ARPP21: variants seen among roughly 807,000 people sequenced by gnomAD.
The protein encoded by ARPP21 is cAMP regulated phosphoprotein 21, also known as cAMP-regulated phosphoprotein 21.
Under a neutral mutation model 113.2 loss-of-function variants are expected in ARPP21, and 69 were observed. That is an observed-to-expected ratio of 0.61 (90% CI 0.50 to 0.74). The LOEUF (loss-of-function observed/expected upper bound fraction) is 0.74. ARPP21 is among the 30% of genes least tolerant of loss of function. The pLI is 0.00. For missense variants in ARPP21, 1,070 were observed against 1,037.4 expected (o/e 1.03, Z -0.43); for synonymous variants, 368 against 375.5 (o/e 0.98, Z 0.23).
intron 1 of ARPP21, chr3:35,642,409 G>T (rs949647433): frequency 1.3e-5 from 2 of 152,160 alleles, no homozygotes; most frequent in Non-Finnish European, 2.9e-5. Context: ...ATTTGGAAAG[G>T]TAAAGGCTGA....
chr3:35,682,634 A>G (rs1157505932), intron 3 of ARPP21: 1 of 462,462 alleles, frequency 2.2e-6, no homozygotes. Context: ...TAAACAGAAA[A>G]GAGCTAAAAG....
At chr3:35,677,274 A>G (rs941173698) in intron 1 of ARPP21, among the ~76,000 whole-genome samples, 2 of 145,950 alleles carry the variant, frequency 1.4e-5, no homozygotes, top group African/African-American at 5.4e-5. Context: ...TATGTGTAAT[A>G]CACACACACA....
intron 4 of ARPP21, 118 bp downstream of exon 4, chr3:35,683,007 T>C (rs2079428709): frequency 1.0e-6 from 1 of 992,362 alleles, no homozygotes; most frequent in African/African-American, 1.7e-5. Flanking sequence ...TTGTGGGGCA[T>C]CTCGGCTGTA....
chr3:35,736,524 C>G (rs1222937737), intron 15 of ARPP21, among the ~76,000 whole-genome samples: 1 of 152,120 alleles, frequency 6.6e-6, no homozygotes, highest in South Asian at 2.1e-4. Context: ...GTAAACCATG[C>G]CATTATTTCA....
In ARPP21 at chr3:35,762,096, CCTCTCT is replaced by C. The variant is rs373149403; in HGVS notation, c.2137+18157_2137+18162del. Among the ~76,000 whole-genome samples, 594 of 136,142 alleles carry C rather than the reference CCTCTCT, an allele frequency of 4.4e-3. 3 individuals carry two copies. The highest frequency in any genetic ancestry group is 0.018 in the Middle Eastern group (5 of 274). 89.3% of individuals were successfully genotyped at this position (136,142 alleles called of 152,430 possible). A position where few individuals can be genotyped will look rare whatever the true frequency, so the allele number is the denominator to read the frequency against. On this transcript the variant is annotated intron_variant, in intron 19 of 20. Coordinates refer to ENST00000684406, the MANE Select transcript of ARPP21 (RefSeq NM_001385562.1). ...TAATAACTACACAGACTCTCTCTCT[CCTCTCT>C]CTCTCTCTCTCTCTCTCTCTCTCTC...
At chr3:35,760,547 A>T (rs1444973744) in intron 19 of ARPP21, among the ~76,000 whole-genome samples, 1 of 152,042 alleles carries the variant, frequency 6.6e-6, no homozygotes, top group Admixed American at 6.6e-5. Context: ...AGGTAAAAAA[A>T]AAAAATCCGC....
At chr3:35,656,740 G>T (rs1304283717) in intron 1 of ARPP21, among the ~76,000 whole-genome samples, 2 of 151,846 alleles carry the variant, frequency 1.3e-5, no homozygotes, top group Non-Finnish European at 2.9e-5. Context: ...AGTGATGGTG[G>T]TTATATAAAT....
intron 11 of ARPP21, among the ~76,000 whole-genome samples, chr3:35,710,906 C>T (rs1373845681): frequency 6.6e-6 from 1 of 152,194 alleles, no homozygotes; most frequent in Non-Finnish European, 1.5e-5. Context: ...AGCTGGGGAT[C>T]TGGGTTAAAC....
At chr3:35,718,349 A>T (rs758265238) in intron 13 of ARPP21, among the ~76,000 whole-genome samples, 1 of 152,172 alleles carries the variant, frequency 6.6e-6, no homozygotes, top group Non-Finnish European at 1.5e-5. Flanking sequence ...TTAGACAATT[A>T]ATTTTCTTTT....
intron 11 of ARPP21, among the ~76,000 whole-genome samples, chr3:35,712,958 G>T (rs578076295): frequency 7.7e-4 from 118 of 152,260 alleles, no homozygotes; most frequent in African/African-American, 2.7e-3. Flanking sequence ...AAGGATATTT[G>T]TGTATAAATA....
At chr3:35,743,403 G>A (rs1255483307) in intron 18 of ARPP21, among the ~76,000 whole-genome samples, 1 of 152,160 alleles carries the variant, frequency 6.6e-6, no homozygotes, top group African/African-American at 2.4e-5. Flanking sequence ...CATATGGCTG[G>A]GGTGGCTTGA....
chr3:35,690,449 G>T (rs1559629979), intron 8 of ARPP21, among the ~76,000 whole-genome samples: 1 of 151,470 alleles, frequency 6.6e-6, no homozygotes, highest in Non-Finnish European at 1.5e-5. Context: ...ATGGGCTCCA[G>T]CTGGCTGCAG....
At chr3:35,716,013 AC>A (rs1449918940) in intron 12 of ARPP21, among the ~76,000 whole-genome samples, 1 of 152,140 alleles carries the variant, frequency 6.6e-6, no homozygotes, top group Non-Finnish European at 1.5e-5. Context: ...TTAGCAGTGT[AC>A]CTGGCATAGG....
chr3:35,790,467 A>G (rs1303982372), intron 19 of ARPP21, among the ~76,000 whole-genome samples: 6 of 152,234 alleles, frequency 3.9e-5, no homozygotes, highest in Non-Finnish European at 8.8e-5. Context: ...ATGAATCACA[A>G]TGGGAGACCT....
At chr3:35,644,069 C>A (rs1344933994) in intron 1 of ARPP21, among the ~76,000 whole-genome samples, 2 of 151,706 alleles carry the variant, frequency 1.3e-5, no homozygotes, top group Non-Finnish European at 3.0e-5. Context: ...TTTATTCTAG[C>A]ATTTTATGTT....
chr3:35,732,163 A>T (rs1243285655), intron 15 of ARPP21, among the ~76,000 whole-genome samples: 1 of 152,208 alleles, frequency 6.6e-6, no homozygotes, highest in East Asian at 1.9e-4. Context: ...TTTAAGCAAG[A>T]ATAAGACAAG....
At chr3:35,786,594 A>G (rs1417731627) in intron 19 of ARPP21, among the ~76,000 whole-genome samples, 3 of 152,100 alleles carry the variant, frequency 2.0e-5, no homozygotes, top group Non-Finnish European at 4.4e-5. Flanking sequence ...CATATAGGCA[A>G]AAGAAAGAGT....
chr3:35,733,215 T>C (rs2094117739), intron 15 of ARPP21, among the ~76,000 whole-genome samples: 1 of 151,978 alleles, frequency 6.6e-6, no homozygotes, highest in Non-Finnish European at 1.5e-5. Flanking sequence ...TTTTTTCCTT[T>C]CCTGAGATTG....
At chr3:35,737,496 A>G (rs1260834156) in intron 16 of ARPP21, 134 bp downstream of exon 16, 1 of 559,124 alleles carries the variant, frequency 1.8e-6, no homozygotes, top group Non-Finnish European at 3.0e-6. Flanking sequence ...GGCAGCATAG[A>G]GTTCTTTGCA....
Sources: allele counts gnomAD v4.1 joint callset (sites outside exome capture counted in the v4.1 genomes callset), GRCh38; gene constraint gnomAD v4.1.1; transcripts MANE v1.5; gene names NCBI Gene and HGNC (gene_info 2026-07-23, HGNC 2026-07-21).